The following EIF2AK3 variants were observed in gnomAD, a reference collection of about 807,000 sequenced individuals.
The protein encoded by EIF2AK3 is eukaryotic translation initiation factor 2-alpha kinase 3.
EIF2AK3 carries 50 observed loss-of-function variants against 113.5 expected under a neutral mutation model. The observed-to-expected ratio is 0.44, with a 90% confidence interval of 0.35 to 0.56. The LOEUF is 0.56. Among genes scored for constraint, EIF2AK3 ranks in the 20% least tolerant of loss-of-function variants. The pLI is 0.00. For missense variants in EIF2AK3, 1,185 were observed against 1,378.0 expected, an observed-to-expected ratio of 0.86 and a Z score of 2.22; for synonymous variants, 448 against 495.4, an observed-to-expected ratio of 0.90 and a Z score of 1.27.
At chr2:88,563,531 C>T (rs1674020709) in intron 14 of EIF2AK3, among the ~76,000 whole-genome samples, 1 of 152,108 alleles carries the variant, frequency 6.6e-6, no homozygotes, top group Admixed American at 6.5e-5. Context: ...TAAATAAACA[C>T]AAATTTATAA....
chr2:88,611,028 TA>T (rs1289211976), intron 2 of EIF2AK3, among the ~76,000 whole-genome samples: 1 of 152,094 alleles, frequency 6.6e-6, no homozygotes, highest in African/African-American at 2.4e-5. Flanking sequence ...TCCAGCCTGA[TA>T]AAAAGCTCTT....
chr2:88,593,364 A>G lies in EIF2AK3; in HGVS notation c.675T>C (p.Asp225=). 6.2e-7 allele frequency: 1 copy of G among 1,614,042 alleles called. No homozygotes were observed. The highest frequency in any genetic ancestry group is 2.2e-5 in the East Asian group (1 of 44,862). The change falls in exon 4 of 17, where the codon GAT becomes GAC. Residue 225 remains aspartate, a synonymous_variant. Coordinates refer to ENST00000303236, the MANE Select transcript of EIF2AK3 (RefSeq NM_004836.7). ...ICSALGCRQW[D]SDEMEQEEDI... Reference sequence around the variant, plus strand: ...CTTCCTCTTGTTCCATTTCGTCACTATCCCATTGGCGACAACCCAGAGCTG... The same window carrying G: ...CTTCCTCTTGTTCCATTTCGTCACTGTCCCATTGGCGACAACCCAGAGCTG...
Position 88,588,744 on chromosome 2 carries a change from G to C in EIF2AK3, c.1306+17C>G. 1 of 1,613,428 alleles carries C rather than the reference G, an allele frequency of 6.2e-7. No homozygotes were observed. The highest frequency in any genetic ancestry group is 8.5e-7 in the Non-Finnish European group (1 of 1,179,660). On this transcript the variant is annotated intron_variant, in intron 7 of 16. Transcript: ENST00000303236. ...CTGAACACTAACAGTATTTAGAAAA[G>C]TTTACAATTCACTTACGAATTAAGG...
intron 2 of EIF2AK3, among the ~76,000 whole-genome samples, chr2:88,608,700 CTTTTTT>C (rs1176748814): frequency 1.6e-5 from 1 of 62,002 alleles, no homozygotes; most frequent in Non-Finnish European, 2.7e-5. Flanking sequence ...TTTTTGATTT[CTTTTTT>C]TTTTTTTTTT....
intron 15 of EIF2AK3, among the ~76,000 whole-genome samples, chr2:88,560,535 T>C (rs1673921688): frequency 6.6e-6 from 1 of 152,200 alleles, no homozygotes; most frequent in African/African-American, 2.4e-5. Flanking sequence ...TGCCTCAAGC[T>C]TCCCACGTAG....
At chr2:88,577,942 G>T (rs1343571689) in intron 11 of EIF2AK3, among the ~76,000 whole-genome samples, 1 of 152,152 alleles carries the variant, frequency 6.6e-6, no homozygotes, top group East Asian at 1.9e-4. Context: ...TTCTTCATGA[G>T]AAGCTATTAA....
At chr2:88,583,992 G>A (rs1674657909) in intron 9 of EIF2AK3, among the ~76,000 whole-genome samples, 1 of 152,172 alleles carries the variant, frequency 6.6e-6, no homozygotes, top group East Asian at 1.9e-4. Context: ...GCATTAAAAT[G>A]CTTTTAAGAA....
chr2:88,561,263 CTTT>C (rs755832317), intron 15 of EIF2AK3, among the ~76,000 whole-genome samples: 1 of 137,046 alleles, frequency 7.3e-6, no homozygotes, highest in Non-Finnish European at 1.6e-5. Context: ...CAGAGGGCTA[CTTT>C]TTTTTTTTTT....
intron 2 of EIF2AK3, among the ~76,000 whole-genome samples, chr2:88,600,247 G>A (rs1165379197): frequency 6.6e-6 from 1 of 152,164 alleles, no homozygotes; most frequent in East Asian, 1.9e-4. Flanking sequence ...TTCCTTGAGA[G>A]CCACAGAAGC....
chr2:88,627,329 C>A lies in EIF2AK3; in HGVS notation c.-55G>T. On this transcript the variant is annotated 5_prime_UTR_variant, in exon 1 of 17. Transcript: ENST00000303236. ...GGCGCAGCCACTGACGCCTGCCTCT[C>A]CCGCCGCTTGGAGCTCCCAAGAAGG... 1.4e-6 allele frequency: 2 copies of A among 1,437,478 alleles called. No homozygotes were observed. Among genetic ancestry groups the A allele is most frequent in the Non-Finnish European group, 1.8e-6 (2 of 1,096,564 alleles). The allele number at this position is 1,437,478 out of a possible 1,614,324, so 89.0% of individuals were successfully genotyped here.
intron 2 of EIF2AK3, among the ~76,000 whole-genome samples, chr2:88,609,385 G>A (rs1675374264): frequency 6.6e-6 from 1 of 152,166 alleles, no homozygotes; most frequent in South Asian, 2.1e-4. Flanking sequence ...AAAACTGCCG[G>A]TGCCTTGGCA....
intron 14 of EIF2AK3, among the ~76,000 whole-genome samples, chr2:88,565,755 T>C (rs1674099684): frequency 1.3e-5 from 2 of 152,372 alleles, no homozygotes; most frequent in South Asian, 4.1e-4. Context: ...TGACTGTTGA[T>C]ATTTTATGGC....
intron 8 of EIF2AK3, 68 bp downstream of exon 8, chr2:88,587,914 T>C (rs1558653858): frequency 8.9e-7 from 1 of 1,123,428 alleles, no homozygotes; most frequent in Non-Finnish European, 1.3e-6. Flanking sequence ...AATCGACTTT[T>C]CTTCATTTGA....
At chr2:88,585,739 C>T in intron 9 of EIF2AK3, 102 bp downstream of exon 9, 2 of 1,137,220 alleles carry the variant, frequency 1.8e-6, no homozygotes, top group South Asian at 3.1e-5. Flanking sequence ...GCAAGAGTAG[C>T]TTTGGTGGAG....
In EIF2AK3 at chr2:88,613,786, T is replaced by G; in HGVS notation, c.376A>C (p.Lys126Gln). Residue 126 changes from lysine (K) to glutamine (Q), a missense_variant, in exon 2 of 17, where the codon AAG becomes CAG. Lys to Gln is a moderately conservative substitution (Grantham distance 53, BLOSUM62 1). This residue lies in a region of EIF2AK3 where 119 missense variants were observed against 178.7 expected (regional missense o/e 0.67). Coordinates refer to ENST00000303236, the MANE Select transcript of EIF2AK3 (RefSeq NM_004836.7). ...GATCCCACATCCAAATCCCACTGCT[T>G]TTTACCATGATTTTCAGGATCCAAG... ...AALDPENHGK[K>Q]QWDLDVGSGS... 3.1e-6 allele frequency: 5 copies of G among 1,614,078 alleles called. No homozygotes were observed. The highest frequency in any genetic ancestry group is 4.2e-6 in the Non-Finnish European group (5 of 1,179,952).
In EIF2AK3 at chr2:88,575,082, TCTCCCTTGAC is replaced by T; in HGVS notation, c.2391_2400del (p.Ser798GlufsTer6). 6.2e-7 allele frequency: 1 copy of T among 1,614,216 alleles called. No homozygotes were observed. The highest frequency in any genetic ancestry group is 8.5e-7 in the Non-Finnish European group (1 of 1,180,042). Reference sequence around the variant, plus strand: ...TCAAATACTATTGAAGAGGAGGTTCTCTCCCTTGACCTTACATAAGGAGAAGCTTCAGAAG... The same window carrying T: ...TCAAATACTATTGAAGAGGAGGTTCTCTTACATAAGGAGAAGCTTCAGAAG... On this transcript the variant is annotated frameshift_variant, in exon 13 of 17. Transcript: ENST00000303236. LOFTEE classifies it high-confidence loss of function.
At chr2:88,596,843 A>G (rs529194023) in intron 2 of EIF2AK3, among the ~76,000 whole-genome samples, 1 of 152,332 alleles carries the variant, frequency 6.6e-6, no homozygotes, top group Admixed American at 6.5e-5. Flanking sequence ...TGAGCAAAAG[A>G]AAGGAGTCCA....
At chr2:88,598,749 C>A (rs181443308) in intron 2 of EIF2AK3, among the ~76,000 whole-genome samples, 222 of 152,208 alleles carry the variant, frequency 1.5e-3, no homozygotes, top group South Asian at 7.5e-3. Context: ...ACAAAACTTG[C>A]ATATGGATGG....
intron 2 of EIF2AK3, chr2:88,595,930 C>T (rs1216174789): frequency 2.0e-6 from 1 of 501,940 alleles, no homozygotes; most frequent in Non-Finnish European, 3.6e-6. Context: ...CTCAGTTTAC[C>T]ATGGGCCAAA....
Sources: allele counts gnomAD v4.1 joint callset (sites outside exome capture counted in the v4.1 genomes callset), GRCh38; gene constraint gnomAD v4.1.1; regional missense constraint gnomAD v4.1.1; transcripts MANE v1.5; gene names NCBI Gene and HGNC (gene_info 2026-07-23, HGNC 2026-07-21).